RCAN1: variants seen among roughly 807,000 people sequenced by gnomAD.
RCAN1 encodes the protein regulator of calcineurin 1.
Under a neutral mutation model 22.9 loss-of-function variants are expected in RCAN1, and 11 were observed. That is an observed-to-expected ratio of 0.48 (90% CI 0.30 to 0.79). The LOEUF is 0.79. Ranked by LOEUF, RCAN1 falls within the 30% of genes least tolerant of loss-of-function variation. RCAN1 has a pLI of 0.06. For missense variants in RCAN1, 291 were observed against 337.8 expected (o/e 0.86, Z 1.09); for synonymous variants, 136 against 142.3 (o/e 0.96, Z 0.32).
intron 1 of RCAN1, among the ~76,000 whole-genome samples, chr21:34,576,831 A>G (rs898314790): frequency 6.6e-5 from 10 of 152,248 alleles, no homozygotes; most frequent in Admixed American, 2.0e-4. Context: ...CTTTGGTTCA[A>G]TTATAGGACT....
At chr21:34,585,496 C>T (rs984546246) in intron 1 of RCAN1, among the ~76,000 whole-genome samples, 2 of 152,108 alleles carry the variant, frequency 1.3e-5, no homozygotes, top group Non-Finnish European at 2.9e-5. Context: ...GTAATCCCAG[C>T]ACTTTCGGAG....
chr21:34,533,056 G>A (rs1044257506), intron 1 of RCAN1, among the ~76,000 whole-genome samples: 1 of 151,358 alleles, frequency 6.6e-6, no homozygotes, highest in Non-Finnish European at 1.5e-5. Flanking sequence ...CGCCTCCCGG[G>A]TTCACGCCAT....
chr21:34,577,545 G>A (rs1182041706), intron 1 of RCAN1, among the ~76,000 whole-genome samples: 1 of 152,162 alleles, frequency 6.6e-6, no homozygotes, highest in East Asian at 1.9e-4. Flanking sequence ...GCTACAGTGA[G>A]CTGTGATCAT....
At chr21:34,564,505 G>C (rs182885351) in intron 1 of RCAN1, among the ~76,000 whole-genome samples, 78 of 152,250 alleles carry the variant, frequency 5.1e-4, no homozygotes, top group East Asian at 1.2e-3. Flanking sequence ...AGGAGACTGG[G>C]GAAAGGAGAG....
At chr21:34,551,087 A>G (rs1447005574) in intron 1 of RCAN1, among the ~76,000 whole-genome samples, 2 of 152,246 alleles carry the variant, frequency 1.3e-5, no homozygotes, top group East Asian at 1.9e-4. Flanking sequence ...CATTTTGGTA[A>G]TCATCTGGAA....
In RCAN1 at chr21:34,521,594, G is replaced by C. The variant is rs1194675374; in HGVS notation, c.491C>G (p.Pro164Arg). Residue 164 changes from proline to arginine, a missense_variant, in exon 3 of 4, where the codon CCT becomes CGT. Transcript: ENST00000313806. ...PNPDKQFLIS[P>R]PASPPVGWKQ... is the part of the protein sequence containing the mutation. ...CCATCCCACTGGCGGAGAGGCGGGAGGGGAGATCAGAAACTGCTTGTCTGG... is the reference window on the plus strand; with the variant it reads ...CCATCCCACTGGCGGAGAGGCGGGACGGGAGATCAGAAACTGCTTGTCTGG... The C allele has an allele frequency of 6.2e-7, 1 of 1,614,062 alleles. No individual in the cohort carries two copies. Among genetic ancestry groups the C allele is most frequent in the Non-Finnish European group, 8.5e-7 (1 of 1,180,040 alleles).
intron 1 of RCAN1, among the ~76,000 whole-genome samples, chr21:34,542,549 G>T (rs576783201): frequency 1.9e-3 from 1 of 538 alleles, no homozygotes; most frequent in Non-Finnish European, 6.0e-3. Flanking sequence ...CCCTCCAGTC[G>T]CCAGCCAAGG....
intron 1 of RCAN1, among the ~76,000 whole-genome samples, chr21:34,573,386 A>C (rs2123685978): frequency 6.6e-6 from 1 of 152,314 alleles, no homozygotes; most frequent in South Asian, 2.1e-4. Context: ...GCCTTCACTG[A>C]GTTCCCTCAT....
intron 1 of RCAN1, among the ~76,000 whole-genome samples, chr21:34,557,411 CAT>C (rs1986622111): frequency 6.6e-6 from 1 of 152,154 alleles, no homozygotes; most frequent in African/African-American, 2.4e-5. Flanking sequence ...TGGCAGCCCA[CAT>C]GTTTCTGTTC....
chr21:34,540,508 C>G (rs58353479), intron 1 of RCAN1, among the ~76,000 whole-genome samples: 36,336 of 152,028 alleles, frequency 0.24, 5,036 homozygotes, highest in African/African-American at 0.38. Flanking sequence ...GGTAAAATTA[C>G]CCCTAGTTCT....
At chr21:34,534,910 G>T (rs1985599181) in intron 1 of RCAN1, among the ~76,000 whole-genome samples, 1 of 152,194 alleles carries the variant, frequency 6.6e-6, no homozygotes, top group African/African-American at 2.4e-5. Flanking sequence ...CCGACCACAT[G>T]GACACTGCTG....
chr21:34,594,311 TG>T (rs1028000703), intron 1 of RCAN1, among the ~76,000 whole-genome samples: 3 of 152,140 alleles, frequency 2.0e-5, no homozygotes, highest in Non-Finnish European at 2.9e-5. Context: ...CCCAGCACTC[TG>T]GGAGGCCGAA....
chr21:34,545,096 C>G (rs1367792296), intron 1 of RCAN1, among the ~76,000 whole-genome samples: 2 of 152,198 alleles, frequency 1.3e-5, no homozygotes, highest in African/African-American at 2.4e-5. Context: ...GCGGGCTGGA[C>G]CAGCCTTCTT....
chr21:34,585,377 G>C (rs1987753277), intron 1 of RCAN1, among the ~76,000 whole-genome samples: 1 of 152,150 alleles, frequency 6.6e-6, no homozygotes, highest in African/African-American at 2.4e-5. Context: ...GTAATATCTA[G>C]AATAACCACT....
chr21:34,520,038 A>G (rs1984385205), intron 3 of RCAN1, among the ~76,000 whole-genome samples: 1 of 152,124 alleles, frequency 6.6e-6, no homozygotes, highest in African/African-American at 2.4e-5. Context: ...CTACCTACTA[A>G]TCATCGAAAA....
intron 1 of RCAN1, among the ~76,000 whole-genome samples, chr21:34,539,451 G>A (rs1985825453): frequency 6.6e-6 from 1 of 152,214 alleles, no homozygotes; most frequent in African/African-American, 2.4e-5. Flanking sequence ...GAAAGAATAT[G>A]TGTGATAGTA....
At position 34,518,253 on chromosome 21, in the gene RCAN1, T is replaced by C; in HGVS notation, c.590A>G (p.Glu197Gly). 1 of 1,613,666 alleles carries C rather than the reference T, an allele frequency of 6.2e-7. No homozygotes were observed. Among genetic ancestry groups the C allele is most frequent in the Non-Finnish European group, 8.5e-7 (1 of 1,179,720 alleles). Reference sequence around the variant, plus strand: ...AGTCGCTGCGTGCAATTCATACTTTTCCCCTAAGGAGGGAAAATAATCGCA... The same window carrying C: ...AGTCGCTGCGTGCAATTCATACTTTCCCCCTAAGGAGGGAAAATAATCGCA... ...LYAISKLGPG[E>G]KYELHAATDT... The change falls in exon 4 of 4, where the codon GAA becomes GGA. Residue 197 changes from glutamate to glycine, a missense_variant. By Grantham distance (98) the Glu-to-Gly change is moderately conservative (BLOSUM62 -2). Transcript: ENST00000313806. The surrounding 1 kb of genome is among the most constrained non-coding windows in gnomAD (Gnocchi z 4.2).
Position 34,614,687 on chromosome 21 carries a change from G to C in RCAN1, c.252+73C>G. 7.8e-7 allele frequency: 1 copy of C among 1,285,378 alleles called. No individual in the cohort carries two copies. Among genetic ancestry groups the C allele is most frequent in the Non-Finnish European group, 9.9e-7 (1 of 1,014,464 alleles). The allele number at this position is 1,285,378 out of a possible 1,614,324, so 79.6% of individuals were successfully genotyped here. A position where few individuals can be genotyped will look rare whatever the true frequency, so the allele number is the denominator to read the frequency against. ...CCGCGCGCGGCCGGGACTGGGCGCT[G>C]CGACCCGCGCCGCCTCCTCGGGCAA... On this transcript the variant is annotated intron_variant, in intron 1 of 3. Coordinates refer to ENST00000313806, the MANE Select transcript of RCAN1 (RefSeq NM_004414.7). This position sits in a 1 kb window ranked among gnomAD's most constrained non-coding sequence, Gnocchi z 6.0.
intron 1 of RCAN1, among the ~76,000 whole-genome samples, chr21:34,600,718 T>G (rs1988308057): frequency 6.6e-6 from 1 of 152,206 alleles, no homozygotes; most frequent in Non-Finnish European, 1.5e-5. Context: ...TTCAAAAAAG[T>G]GTTTAGAGTC....
Sources: gnomAD v4.1 joint callset for allele counts (sites outside exome capture counted in the v4.1 genomes callset) on GRCh38, gnomAD v4.1.1 for gene constraint, Gnocchi (gnomAD v3.1) non-coding constraint, MANE v1.5 for transcripts, NCBI Gene and HGNC (gene_info 2026-07-23, HGNC 2026-07-21) for gene names.